Variants in RHOH observed in about 807,000 individuals in gnomAD.
The protein encoded by RHOH is ras homolog family member H.
Under a neutral mutation model 13.8 loss-of-function variants are expected in RHOH, and 6 were observed. The ratio of observed to expected loss-of-function variants is 0.44; its 90% confidence interval spans 0.24 to 0.86. The LOEUF (loss-of-function observed/expected upper bound fraction) is 0.86, where lower values mean the gene tolerates loss of function less well. RHOH is among the 40% of genes least tolerant of loss of function. The pLI is 0.24. For synonymous variants in RHOH, 117 were observed against 103.0 expected, an observed-to-expected ratio of 1.14 and a Z score of -0.82; for missense variants, 147 against 244.5, an observed-to-expected ratio of 0.60 and a Z score of 2.66.
At chr4:40,204,397 G>A (rs1011620769) in intron 1 of RHOH, among the ~76,000 whole-genome samples, 6 of 152,192 alleles carry the variant, frequency 3.9e-5, no homozygotes, top group South Asian at 2.1e-4. Context: ...ACAAGCACGC[G>A]CTGACTATTC....
chr4:40,198,358 CAGTT>C (rs1333337612), intron 1 of RHOH, among the ~76,000 whole-genome samples: 1 of 152,226 alleles, frequency 6.6e-6, no homozygotes, highest in Non-Finnish European at 1.5e-5. Context: ...GAAGAGAAGA[CAGTT>C]TGTTTTACAC....
At chr4:40,193,527 G>C (rs993473374), upstream of RHOH, 10 of 149,188 alleles carry the variant, frequency 6.7e-5, no homozygotes, top group African/African-American at 2.0e-4. Flanking sequence ...GGGCGGGGTG[G>C]GGGAGGAGGG....
intron 1 of RHOH, among the ~76,000 whole-genome samples, chr4:40,239,574 C>T (rs115326780): frequency 1.7e-3 from 261 of 152,264 alleles, no homozygotes; most frequent in Middle Eastern, 6.8e-3. Flanking sequence ...ATATTATGCA[C>T]CTGCTAAGAA....
chr4:40,222,568 T>G (rs1309082743), intron 1 of RHOH, among the ~76,000 whole-genome samples: 1 of 152,234 alleles, frequency 6.6e-6, no homozygotes, highest in Non-Finnish European at 1.5e-5. Flanking sequence ...AGCCCACTGT[T>G]GAGACCTACT....
intron 1 of RHOH, among the ~76,000 whole-genome samples, chr4:40,209,828 T>C (rs1725047883): frequency 6.6e-6 from 1 of 152,238 alleles, no homozygotes; most frequent in Non-Finnish European, 1.5e-5. Context: ...TTGAAAGACA[T>C]ATCTTCTAGG....
At chr4:40,221,395 A>T (rs1726555620) in intron 1 of RHOH, among the ~76,000 whole-genome samples, 1 of 151,912 alleles carries the variant, frequency 6.6e-6, no homozygotes, top group African/African-American at 2.4e-5. Context: ...GTTTGTGGCA[A>T]CTCTGTGTTG....
At position 40,243,749 on chromosome 4, in the gene RHOH, G is replaced by A; in HGVS notation, c.363G>A (p.Arg121=). The change falls in exon 3 of 3, where the codon CGG becomes CGA. Residue 121 remains arginine, a synonymous_variant. Transcript: ENST00000381799. The surrounding 1 kb of genome is among the most constrained non-coding windows in gnomAD (Gnocchi z 6.2). ...VLVVATQTDQ[R]EMGPHRASCV... is the part of the protein sequence containing the mutation. ...TGGTGGCCACCCAGACTGACCAGCG[G>A]GAGATGGGGCCCCACAGGGCCTCCT... The A allele has an allele frequency of 6.2e-7, 1 of 1,614,070 alleles. No homozygotes were observed. Among genetic ancestry groups the A allele is most frequent in the East Asian group, 2.2e-5 (1 of 44,882 alleles).
chr4:40,203,521 AGTGTGTGT>A (rs142926219), intron 1 of RHOH, among the ~76,000 whole-genome samples: 1 of 147,150 alleles, frequency 6.8e-6, no homozygotes, highest in Non-Finnish European at 1.5e-5. Flanking sequence ...TATATCTGTG[AGTGTGTGT>A]GTGTGTGTGT....
In RHOH at chr4:40,232,981, G is replaced by A. The variant is rs1878894; in HGVS notation, c.-330-9733G>A. ...CCTCTCCTGTGTGTCTGTAGTACTGGTTCATATCATCATCATCATAGCAGC... is the reference window on the plus strand; with the variant it reads ...CCTCTCCTGTGTGTCTGTAGTACTGATTCATATCATCATCATCATAGCAGC... On this transcript the variant is annotated intron_variant, in intron 1 of 2. Transcript: ENST00000381799. 7.0e-3 allele frequency among the ~76,000 whole-genome samples: 1,061 copies of A among 152,196 alleles called. 34 individuals carry two copies. In the East Asian group the frequency reaches 0.078, roughly 11 times the overall value.
At chr4:40,206,366 G>T (rs1307440926) in intron 1 of RHOH, among the ~76,000 whole-genome samples, 7 of 151,928 alleles carry the variant, frequency 4.6e-5, no homozygotes, top group African/African-American at 1.7e-4. Flanking sequence ...CTTTGTTCCA[G>T]TTTTGAGCTG....
chr4:40,206,174 C>A (rs926367617), intron 1 of RHOH, among the ~76,000 whole-genome samples: 2 of 152,194 alleles, frequency 1.3e-5, no homozygotes, highest in African/African-American at 4.8e-5. Flanking sequence ...AATGGACTGG[C>A]ACAAATCTCT....
At chr4:40,205,011 C>A (rs1382331719) in intron 1 of RHOH, among the ~76,000 whole-genome samples, 2 of 151,986 alleles carry the variant, frequency 1.3e-5, no homozygotes, top group Admixed American at 6.6e-5. Flanking sequence ...ACTTGTAATC[C>A]CAGCACTTTG....
chr4:40,193,473 T>C (rs1158442184), upstream of RHOH, among the ~76,000 whole-genome samples: 2 of 38,710 alleles, frequency 5.2e-5, no homozygotes, highest in African/African-American at 2.5e-4. Flanking sequence ...GTTAAAAGAA[T>C]GAGAGCGAGA....
intron 1 of RHOH, among the ~76,000 whole-genome samples, chr4:40,221,380 T>G (rs1422159911): frequency 1.3e-5 from 2 of 152,232 alleles, no homozygotes; most frequent in Non-Finnish European, 2.9e-5. Context: ...TTACACAAAC[T>G]GAAGGTTTGT....
At chr4:40,240,702 A>G (rs1729138855) in intron 1 of RHOH, among the ~76,000 whole-genome samples, 1 of 152,106 alleles carries the variant, frequency 6.6e-6, no homozygotes, top group Admixed American at 6.6e-5. Flanking sequence ...GCTTAAACCC[A>G]GGAGGCAGAG....
At chr4:40,235,397 C>G (rs1248829050) in intron 1 of RHOH, 3 of 112,752 alleles carry the variant, frequency 2.7e-5, no homozygotes, top group Non-Finnish European at 5.6e-5. Flanking sequence ...TGAGACCAGC[C>G]TGGCCAACAT....
At chr4:40,211,128 A>G (rs1389180949) in intron 1 of RHOH, among the ~76,000 whole-genome samples, 4 of 152,224 alleles carry the variant, frequency 2.6e-5, no homozygotes, top group Non-Finnish European at 5.9e-5. Flanking sequence ...AACATCTTAA[A>G]AGTGGGAACT....
intron 1 of RHOH, among the ~76,000 whole-genome samples, chr4:40,236,663 C>T (rs1282467896): frequency 1.3e-5 from 2 of 151,864 alleles, no homozygotes; most frequent in East Asian, 3.9e-4. Context: ...TGGTGGTGTG[C>T]TCCCGTAGTC....
intron 1 of RHOH, among the ~76,000 whole-genome samples, chr4:40,199,077 G>A (rs1723613510): frequency 6.6e-6 from 1 of 151,810 alleles, no homozygotes; most frequent in South Asian, 2.1e-4. Context: ...CCTCAGACAA[G>A]TTACTTAACT....
Sources: allele counts gnomAD v4.1 joint callset (sites outside exome capture counted in the v4.1 genomes callset), GRCh38; gene constraint gnomAD v4.1.1; non-coding constraint Gnocchi (gnomAD v3.1); transcripts MANE v1.5; gene names NCBI Gene and HGNC (gene_info 2026-07-23, HGNC 2026-07-21).